ZBTB14: variants seen among roughly 807,000 people sequenced by gnomAD.
ZBTB14 encodes zinc finger and BTB domain containing 14, also known as zinc finger and BTB domain-containing protein 14.
ZBTB14 carries 8 observed loss-of-function variants against 29.5 expected under a neutral mutation model. The ratio of observed to expected loss-of-function variants is 0.27; its 90% CI spans 0.16 to 0.49. The LOEUF (loss-of-function observed/expected upper bound fraction) is 0.49, where lower values mean the gene tolerates loss of function less well. Ranked by LOEUF, ZBTB14 falls within the 20% of genes least tolerant of loss-of-function variation. ZBTB14 has a pLI of 0.99. For synonymous variants in ZBTB14, 226 were observed against 207.2 expected (o/e 1.09, Z -0.78); for missense variants, 333 against 563.8 (o/e 0.59, Z 4.15).
chr18:5,296,079 G>C (rs928235550), upstream of ZBTB14: 4 of 152,078 alleles, frequency 2.6e-5, no homozygotes, highest in South Asian at 2.1e-4. Context: ...CGCGGTGCGG[G>C]CTGGGGGGAA....
chr18:5,293,391 G>A (rs181589493), intron 2 of ZBTB14, 64 bp from the exon 3 acceptor site: 1 of 855,474 alleles, frequency 1.2e-6, no homozygotes, highest in Non-Finnish European at 1.8e-6. Context: ...CCTAAACCAA[G>A]AATTGATTTT....
At chr18:5,295,483 C>T (rs1265452701) in intron 1 of ZBTB14, among the ~76,000 whole-genome samples, 169 bp downstream of exon 1, 3 of 145,034 alleles carry the variant, frequency 2.1e-5, no homozygotes, top group East Asian at 2.0e-4. Context: ...CGGTGCACTG[C>T]GGCGGTGCGA....
intron 1 of ZBTB14, among the ~76,000 whole-genome samples, chr18:5,295,117 G>A (rs2071918396): frequency 1.4e-5 from 2 of 148,088 alleles, no homozygotes; most frequent in South Asian, 2.1e-4. Flanking sequence ...CGCGCAGGGA[G>A]GGACTGCGGC....
intron 3 of ZBTB14, 81 bp downstream of exon 3, chr18:5,293,163 C>A: frequency 1.4e-6 from 2 of 1,448,126 alleles, no homozygotes; most frequent in Admixed American, 2.0e-5. Flanking sequence ...AGTGTTCATG[C>A]ACAATCAGAA....
chr18:5,295,229 G>C (rs1336263075), intron 1 of ZBTB14, among the ~76,000 whole-genome samples: 1 of 144,232 alleles, frequency 6.9e-6, no homozygotes, highest in Non-Finnish European at 1.5e-5. Flanking sequence ...CCCGGAGCTC[G>C]CGCCCCGCGC....
At position 5,290,641 on chromosome 18, in the gene ZBTB14, C is replaced by G; in HGVS notation, c.*217G>C. The G allele has an allele frequency of 1.7e-6, 1 of 582,004 alleles. No homozygotes were observed. Among genetic ancestry groups the G allele is most frequent in the Non-Finnish European group, 2.8e-6 (1 of 353,330 alleles). The allele number at this position is 582,004 out of a possible 1,614,324, so 36.1% of individuals were successfully genotyped here. A position where few individuals can be genotyped will look rare whatever the true frequency, so the allele number is the denominator to read the frequency against. The stretch of plus-strand genomic sequence containing the variant: ...AGGTGCTTACTGGGCAACATTAATA[C>G]TAGACACCAGACAAGACAGTGAAAC... On this transcript the variant is annotated 3_prime_UTR_variant, in exon 4 of 4. Coordinates refer to ENST00000651870, the MANE Select transcript of ZBTB14 (RefSeq NM_001243702.2).
At chr18:5,293,037 G>A (rs1242773473) in intron 3 of ZBTB14, among the ~76,000 whole-genome samples, 1 of 152,214 alleles carries the variant, frequency 6.6e-6, no homozygotes, top group Non-Finnish European at 1.5e-5. Flanking sequence ...GAACTGGCAT[G>A]AAAGATCTCT....
intron 1 of ZBTB14, among the ~76,000 whole-genome samples, chr18:5,295,122 TGCGGCCCGCG>T (rs1016400212): frequency 3.4e-5 from 5 of 147,430 alleles, no homozygotes; most frequent in Admixed American, 1.3e-4. Flanking sequence ...AGGGAGGGAC[TGCGGCCCGCG>T]GCGGCCCCGG....
chr18:5,293,177 G>C, intron 3 of ZBTB14, 67 bp downstream of exon 3: 1 of 1,539,260 alleles, frequency 6.5e-7, no homozygotes, highest in Non-Finnish European at 8.9e-7. Context: ...ATCAGAATTG[G>C]TATATATATT....
chr18:5,295,122 T>C (rs2071918625), intron 1 of ZBTB14, among the ~76,000 whole-genome samples: 1 of 147,354 alleles, frequency 6.8e-6, no homozygotes, highest in Admixed American at 6.7e-5. Context: ...AGGGAGGGAC[T>C]GCGGCCCGCG....
intron 2 of ZBTB14, 125 bp from the exon 3 acceptor site, chr18:5,293,452 G>C: frequency 3.4e-6 from 2 of 585,154 alleles, no homozygotes; most frequent in Non-Finnish European, 6.1e-6. Flanking sequence ...AGGTTGGGGA[G>C]AGTGGCAGGT....
In ZBTB14 at chr18:5,291,620, C is replaced by A. The variant is rs919799257; in HGVS notation, c.588G>T (p.Arg196Ser). 1 of 1,613,878 alleles carries A rather than the reference C, an allele frequency of 6.2e-7. No individual in the cohort carries two copies. The highest frequency in any genetic ancestry group is 8.5e-7 in the Non-Finnish European group (1 of 1,180,032). Residue 196 changes from arginine to serine, a missense_variant, in exon 4 of 4, where the codon AGG (arginine) becomes AGT (serine). By Grantham distance (110) the Arg-to-Ser change is moderately radical. Coordinates refer to ENST00000651870, the MANE Select transcript of ZBTB14 (RefSeq NM_001243702.2). This position sits in a 1 kb window ranked among gnomAD's most constrained non-coding sequence, Gnocchi z 5.8. ...GCTCTTTCAGGATCGCTTCCTGAAC[C>A]CTGAGCGTTGTGGTGGGCGACTTGC... ...EDGKSPTTTL[R>S]VQEAILKELG...
chr18:5,294,190 C>T (rs1055581406), intron 1 of ZBTB14, among the ~76,000 whole-genome samples, 189 bp from the exon 2 acceptor site: 9 of 152,204 alleles, frequency 5.9e-5, no homozygotes, highest in African/African-American at 2.2e-4. Flanking sequence ...CCGAGCTACC[C>T]AGCGTAGAAG....
chr18:5,294,839 C>T (rs906681064), intron 1 of ZBTB14: 1 of 152,188 alleles, frequency 6.6e-6, no homozygotes, highest in African/African-American at 2.4e-5. Flanking sequence ...CCGGGCAGCC[C>T]GACAATGGCG....
At chr18:5,293,193 G>A (rs2071857679) in intron 3 of ZBTB14, 51 bp downstream of exon 3, 1 of 1,601,468 alleles carries the variant, frequency 6.2e-7, no homozygotes, top group African/African-American at 1.3e-5. Flanking sequence ...ATATTTTAAA[G>A]CAAATGCCAA....
rs201423565 is a variant in ZBTB14, at chr18:5,291,911, G to T, written c.297C>A (p.Ser99=). The change falls in exon 4 of 4, where the codon TCC becomes TCA. Residue 99 remains serine (S), a synonymous_variant. Coordinates refer to ENST00000651870, the MANE Select transcript of ZBTB14 (RefSeq NM_001243702.2). This position sits in a 1 kb window ranked among gnomAD's most constrained non-coding sequence, Gnocchi z 5.8. ...VLNYMYTAKI[S]VKKEDVNLMM... ...TTAAGTTAACATCTTCTTTTTTCAC[G>T]GAAATCTTTGCTGTGTACATGTAGT... The T allele has an allele frequency of 1.1e-5, 17 of 1,614,002 alleles. No homozygotes were observed. The highest frequency in any genetic ancestry group is 1.4e-5 in the Non-Finnish European group (17 of 1,180,000).
At chr18:5,294,374 A>G (rs961934631) in intron 1 of ZBTB14, among the ~76,000 whole-genome samples, 1 of 152,184 alleles carries the variant, frequency 6.6e-6, no homozygotes, top group African/African-American at 2.4e-5. Flanking sequence ...TACTGTTGTC[A>G]CTAACTCGTC....
At chr18:5,292,520 C>A (rs1454506957) in intron 3 of ZBTB14, among the ~76,000 whole-genome samples, 1 of 152,118 alleles carries the variant, frequency 6.6e-6, no homozygotes, top group African/African-American at 2.4e-5. Flanking sequence ...ATTTTAGAGA[C>A]AAAGTTAGAA....
At chr18:5,296,691 T>C (rs903655027), upstream of ZBTB14, among the ~76,000 whole-genome samples, 6 of 151,678 alleles carry the variant, frequency 4.0e-5, no homozygotes, top group African/African-American at 9.7e-5. Flanking sequence ...AGCGACGTCT[T>C]CGATTTGTAG....
Sources: allele counts gnomAD v4.1 joint callset (sites outside exome capture counted in the v4.1 genomes callset), GRCh38; gene constraint gnomAD v4.1.1; non-coding constraint Gnocchi (gnomAD v3.1); transcripts MANE v1.5; gene names NCBI Gene and HGNC (gene_info 2026-07-23, HGNC 2026-07-21).